Variants in GLS observed in about 807,000 individuals in gnomAD.
GLS encodes the protein glutaminase kidney isoform, mitochondrial.
Under a neutral mutation model 86.7 loss-of-function variants are expected in GLS, and 36 were observed. The observed-to-expected ratio is 0.42, with a 90% CI of 0.32 to 0.55. GLS has a LOEUF of 0.55. Among genes scored for constraint, GLS ranks in the 20% least tolerant of loss-of-function variants. The pLI, the probability that GLS is intolerant of heterozygous loss-of-function variation, is 0.17. For missense variants in GLS, 528 were observed against 833.4 expected (o/e 0.63, Z 4.51); for synonymous variants, 317 against 305.9 (o/e 1.04, Z -0.38).
chr2:190,887,467 A>AT (rs1268481410), intron 1 of GLS, among the ~76,000 whole-genome samples: 1 of 152,152 alleles, frequency 6.6e-6, no homozygotes, highest in Admixed American at 6.5e-5. Context: ...AGAACTGTAG[A>AT]TGTTGCATAA....
intron 6 of GLS, among the ~76,000 whole-genome samples, chr2:190,910,016 C>T (rs555680011): frequency 1.2e-4 from 18 of 151,848 alleles, no homozygotes; most frequent in Middle Eastern, 3.4e-3. Flanking sequence ...TCAGCCTGGG[C>T]GACAGTCTGA....
rs1173488867 is a variant in GLS, at chr2:190,938,195, T to C, written c.1650+6558T>C. On this transcript the variant is annotated intron_variant, in intron 14 of 17. Transcript: ENST00000320717. This position sits in a 1 kb window ranked among gnomAD's most constrained non-coding sequence, Gnocchi z 4.1. ...ATTAAAAATAATGGTATTTTTTCAT[T>C]AGGTATTTACCTTGCTGAAACACTT... 2.0e-5 allele frequency among the ~76,000 whole-genome samples: 3 copies of C among 151,546 alleles called. No individual in the cohort carries two copies. Among genetic ancestry groups the C allele is most frequent in the South Asian group, 2.1e-4 (1 of 4,836 alleles).
chr2:190,902,135 G>A, intron 5 of GLS, 109 bp downstream of exon 5: 1 of 630,208 alleles, frequency 1.6e-6, no homozygotes, highest in Non-Finnish European at 2.9e-6. Context: ...AGTCCTAACA[G>A]GATATAATTT....
At chr2:190,960,786 T>C (rs534795770) in intron 17 of GLS, among the ~76,000 whole-genome samples, 31 of 152,324 alleles carry the variant, frequency 2.0e-4, no homozygotes, top group African/African-American at 7.2e-4. Flanking sequence ...TTTTGTAAGT[T>C]TGCTAACACT....
intron 1 of GLS, among the ~76,000 whole-genome samples, chr2:190,887,119 T>C (rs1688410652): frequency 6.6e-6 from 1 of 152,190 alleles, no homozygotes; most frequent in Non-Finnish European, 1.5e-5. Flanking sequence ...CTTTAAGTCA[T>C]TTGCTAGTAA....
At position 190,963,268 on chromosome 2, in the gene GLS, AT is replaced by A. The variant is rs542863232; in HGVS notation, c.*285del. On this transcript the variant is annotated 3_prime_UTR_variant, in exon 18 of 18. Coordinates refer to ENST00000320717, the MANE Select transcript of GLS (RefSeq NM_014905.5). The stretch of plus-strand genomic sequence containing the variant: ...ATGCTAGCTTGTGTGGTCTTCCATG[AT>A]TTATTTGTGTTTTGTGAATTTTCAA... The A allele has an allele frequency of 2.1e-3, 492 of 236,026 alleles. 7 individuals are homozygous for A. The highest frequency in any genetic ancestry group is 0.01 in the African/African-American group (450 of 44,146). The allele number at this position is 236,026 out of a possible 1,614,324, so 14.6% of individuals were successfully genotyped here. A position where few individuals can be genotyped will look rare whatever the true frequency, so the allele number is the denominator to read the frequency against.
intron 6 of GLS, among the ~76,000 whole-genome samples, chr2:190,906,274 C>G (rs900009583): frequency 6.6e-6 from 1 of 151,912 alleles, no homozygotes; most frequent in Non-Finnish European, 1.5e-5. Flanking sequence ...AAATTTAATA[C>G]TTTTCCATGA....
chr2:190,936,501 A>G (rs968192847), intron 14 of GLS, among the ~76,000 whole-genome samples: 1 of 151,132 alleles, frequency 6.6e-6, no homozygotes, highest in East Asian at 1.9e-4. Context: ...CTTTGACACA[A>G]AAGAACCCCT....
chr2:190,927,482 TGTAA>T lies in GLS; in HGVS notation c.1425+5_1425+8del. 6.3e-7 allele frequency: 1 copy of T among 1,594,262 alleles called. No individual in the cohort carries two copies. Among genetic ancestry groups the T allele is most frequent in the Non-Finnish European group, 8.6e-7 (1 of 1,168,280 alleles). ...ACTTCTCAGGGCAGTTTGCTTTCCA[TGTAA>T]GTAATTGTTTAATCTTATTTTCTCT... is the stretch of plus-strand genomic sequence containing the variant. On this transcript the variant is annotated splice_donor_variant and splice_donor_region_variant and intron_variant, in intron 12 of 17. Coordinates refer to ENST00000320717, the MANE Select transcript of GLS (RefSeq NM_014905.5). LOFTEE classifies it high-confidence loss of function.
At position 190,927,510 on chromosome 2, in the gene GLS, C is replaced by G. The variant is rs1455081310; in HGVS notation, c.1425+28C>G. The stretch of plus-strand genomic sequence containing the variant: ...AAGTAATTGTTTAATCTTATTTTCT[C>G]TGGCAAGAAACTAGTCTGAACTGGT... On this transcript the variant is annotated intron_variant, in intron 12 of 17. Transcript: ENST00000320717. 3 of 1,533,926 alleles carry G rather than the reference C, an allele frequency of 2.0e-6. No individual in the cohort carries two copies. In the African/African-American group the frequency reaches 4.2e-5, roughly 21 times the overall value.
chr2:190,931,473 T>C (rs1322090540), intron 13 of GLS, 72 bp from the exon 14 acceptor site: 1 of 645,516 alleles, frequency 1.5e-6, no homozygotes, highest in Non-Finnish European at 2.8e-6. Context: ...TAAGCAGAGT[T>C]TGTTAAAATA....
chr2:190,962,855 G>A lies in GLS; in HGVS notation c.1879G>A (p.Ala627Thr). The change falls in exon 18 of 18, where the codon GCA becomes ACA. Residue 627 changes from alanine (A) to threonine (T), a missense_variant. Physicochemically the swap from Ala to Thr is moderately conservative, Grantham distance 58. Coordinates refer to ENST00000320717, the MANE Select transcript of GLS (RefSeq NM_014905.5). The surrounding 1 kb of genome is among the most constrained non-coding windows in gnomAD (Gnocchi z 4.2). ...DRWNNTPMDE[A>T]LHFGHHDVFK... The stretch of plus-strand genomic sequence containing the variant: ...GTGGAATAACACTCCCATGGATGAA[G>A]CACTGCACTTTGGACACCATGATGT... 1 of 1,580,604 alleles carries A rather than the reference G, an allele frequency of 6.3e-7. No individual in the cohort carries two copies. The highest frequency in any genetic ancestry group is 8.6e-7 in the Non-Finnish European group (1 of 1,167,728).
chr2:190,936,289 T>A (rs534495939), intron 14 of GLS, among the ~76,000 whole-genome samples: 17 of 151,248 alleles, frequency 1.1e-4, no homozygotes, highest in African/African-American at 4.1e-4. Flanking sequence ...TATACTGATA[T>A]GTCAGCCTAT....
At position 190,910,368 on chromosome 2, in the gene GLS, T is replaced by TA. The variant is rs1689313645; in HGVS notation, c.1038+49dup. ...TTAACCTAGTAAAACTTTTTTTTTT[T>TA]AACAGCTAAGGCATAAAGATGAATC... On this transcript the variant is annotated intron_variant, in intron 7 of 17. Transcript: ENST00000320717. The TA allele has an allele frequency of 3.2e-6, 3 of 946,366 alleles. No individual in the cohort carries two copies. In the East Asian group the frequency reaches 7.3e-5, roughly 23 times the overall value. The allele number at this position is 946,366 out of a possible 1,614,324, so 58.6% of individuals were successfully genotyped here. A position where few individuals can be genotyped will look rare whatever the true frequency, so the allele number is the denominator to read the frequency against.
intron 1 of GLS, among the ~76,000 whole-genome samples, chr2:190,883,182 T>TA (rs1393848166): frequency 5.3e-5 from 8 of 152,210 alleles, no homozygotes; most frequent in Non-Finnish European, 7.3e-5. Context: ...GCCTTTTTAA[T>TA]AAAAAATCAC....
At chr2:190,945,684 A>G (rs1690561413) in intron 14 of GLS, among the ~76,000 whole-genome samples, 1 of 152,098 alleles carries the variant, frequency 6.6e-6, no homozygotes, top group African/African-American at 2.4e-5. Context: ...AAAGAAAAAA[A>G]AATTGAAAAT....
intron 7 of GLS, among the ~76,000 whole-genome samples, chr2:190,915,994 A>G (rs762185822): frequency 1.3e-5 from 2 of 152,238 alleles, no homozygotes; most frequent in African/African-American, 2.4e-5. Context: ...GAACTGAGTA[A>G]CATTGCTATA....
Position 190,953,948 on chromosome 2 carries a change from A to ATGTG in GLS, c.1712+323_1712+324insGTGT, listed in dbSNP as rs1491250812. Reference sequence around the variant, plus strand: ...GTCTACCCTCCATTCCCAATCTTTGATATGTGTGTGTGTGTGTGTGTGTGT... The same window carrying ATGTG: ...GTCTACCCTCCATTCCCAATCTTTGATGTGTATGTGTGTGTGTGTGTGTGTGTGT... On this transcript the variant is annotated intron_variant, in intron 15 of 17. Transcript: ENST00000320717. This position sits in a 1 kb window ranked among gnomAD's most constrained non-coding sequence, Gnocchi z 4.0. Among the ~76,000 whole-genome samples the ATGTG allele has an allele frequency of 1.0e-4, 11 of 108,846 alleles. No homozygotes were observed. Among genetic ancestry groups the ATGTG allele is most frequent in the South Asian group, 3.6e-4 (1 of 2,784 alleles). The allele number at this position is 108,846 out of a possible 152,430, so 71.4% of individuals were successfully genotyped here. A position where few individuals can be genotyped will look rare whatever the true frequency, so the allele number is the denominator to read the frequency against.
At chr2:190,931,375 A>G (rs982660495) in intron 13 of GLS, among the ~76,000 whole-genome samples, 170 bp from the exon 14 acceptor site, 3 of 152,110 alleles carry the variant, frequency 2.0e-5, no homozygotes, top group African/African-American at 4.8e-5. Context: ...TAAAACTTAT[A>G]TCCATATCTT....
Sources: gnomAD v4.1 joint callset for allele counts (sites outside exome capture counted in the v4.1 genomes callset) on GRCh38, gnomAD v4.1.1 for gene constraint, Gnocchi (gnomAD v3.1) non-coding constraint, MANE v1.5 for transcripts, NCBI Gene and HGNC (gene_info 2026-07-23, HGNC 2026-07-21) for gene names.